Variants in CRTAC1 observed in about 807,000 individuals in gnomAD.
The protein encoded by CRTAC1 is acidic secreted protein in cartilage.
In CRTAC1, 37 loss-of-function variants were observed where a neutral mutation model predicts 67.8. That is an observed-to-expected ratio of 0.55 (90% CI 0.42 to 0.72). The LOEUF (loss-of-function observed/expected upper bound fraction) is 0.72, where lower values mean the gene tolerates loss of function less well. Among genes scored for constraint, CRTAC1 ranks in the 30% least tolerant of loss-of-function variants. The pLI is 0.00. For synonymous variants in CRTAC1, 348 were observed against 371.0 expected, an observed-to-expected ratio of 0.94 and a Z score of 0.71; for missense variants, 780 against 931.6, an observed-to-expected ratio of 0.84 and a Z score of 2.12.
chr10:98,006,170 T>G (rs1842785762), intron 2 of CRTAC1, among the ~76,000 whole-genome samples: 1 of 152,214 alleles, frequency 6.6e-6, no homozygotes, highest in South Asian at 2.1e-4. Flanking sequence ...TTGTACAAGA[T>G]TGACACCAAC....
intron 2 of CRTAC1, among the ~76,000 whole-genome samples, chr10:97,974,399 G>T (rs2051765144): frequency 6.6e-6 from 1 of 152,160 alleles, no homozygotes; most frequent in Non-Finnish European, 1.5e-5. Flanking sequence ...GGCACCTCCG[G>T]TTACCGCTCA....
intron 11 of CRTAC1, among the ~76,000 whole-genome samples, chr10:97,893,049 G>A (rs2050400104): frequency 6.6e-6 from 1 of 152,192 alleles, no homozygotes; most frequent in Admixed American, 6.5e-5. Flanking sequence ...ATGTGACCTT[G>A]GCAGGTTTCT....
chr10:97,928,729 T>C (rs1047693768), intron 3 of CRTAC1, among the ~76,000 whole-genome samples: 1 of 151,862 alleles, frequency 6.6e-6, no homozygotes, highest in Non-Finnish European at 1.5e-5. Context: ...AGGGTCAGAG[T>C]AACAACAGCA....
At chr10:97,917,736 G>A (rs2050779990) in intron 4 of CRTAC1, 80 bp from the exon 5 acceptor site, 1 of 1,187,570 alleles carries the variant, frequency 8.4e-7, no homozygotes, top group African/African-American at 1.5e-5. Flanking sequence ...CCCCAGGTAG[G>A]ACCATAGCTC....
In CRTAC1 at chr10:98,029,358, G is replaced by T. The variant is rs1843309539; in HGVS notation, c.24+1091C>A. On this transcript the variant is annotated intron_variant, in intron 1 of 14. Transcript: ENST00000370597. This position sits in a 1 kb window ranked among gnomAD's most constrained non-coding sequence, Gnocchi z 4.7. ...ACCCTCTTCCCTTCTTTTCCACTTG[G>T]CTTCACGTGGAAAGTCCTGCACCCA... Among the ~76,000 whole-genome samples, 1 of 152,036 alleles carries T rather than the reference G, an allele frequency of 6.6e-6. No individual in the cohort carries two copies. Among genetic ancestry groups the T allele is most frequent in the South Asian group, 2.1e-4 (1 of 4,820 alleles).
At chr10:97,912,559 A>G (rs2050702348) in intron 5 of CRTAC1, among the ~76,000 whole-genome samples, 1 of 84,792 alleles carries the variant, frequency 1.2e-5, no homozygotes, top group Non-Finnish European at 3.2e-5. Flanking sequence ...GGGTGCAGAC[A>G]ATCCATCTCT....
intron 11 of CRTAC1, among the ~76,000 whole-genome samples, chr10:97,886,938 C>A (rs1402978470): frequency 6.6e-6 from 1 of 151,980 alleles, no homozygotes; most frequent in Non-Finnish European, 1.5e-5. Flanking sequence ...ACCCACCACA[C>A]CCGGCCAGAT....
chr10:97,906,051 A>G (rs535030616), intron 6 of CRTAC1, among the ~76,000 whole-genome samples: 2 of 152,300 alleles, frequency 1.3e-5, no homozygotes, highest in South Asian at 4.2e-4. Context: ...CCACAGGACA[A>G]TGTAATAGGC....
At chr10:97,968,467 A>G (rs1256852900) in intron 2 of CRTAC1, among the ~76,000 whole-genome samples, 1 of 152,206 alleles carries the variant, frequency 6.6e-6, no homozygotes, top group East Asian at 1.9e-4. Context: ...GATGGTCTCA[A>G]TCTCCTGACC....
In CRTAC1 at chr10:97,912,396, C is replaced by T. The variant is rs542766854; in HGVS notation, c.716-4249G>A. 7.2e-5 allele frequency among the ~76,000 whole-genome samples: 11 copies of T among 152,244 alleles called. 1 individual carries two copies. The East Asian group carries it at 1.9e-3, about 27-fold the overall frequency. Reference sequence around the variant, plus strand: ...GCTGGAGTTAGAGGGGAAAATGCCCCTTGGAGGTCCCCATTTCCCCTAGCC... The same window carrying T: ...GCTGGAGTTAGAGGGGAAAATGCCCTTTGGAGGTCCCCATTTCCCCTAGCC... On this transcript the variant is annotated intron_variant, in intron 5 of 14. Coordinates refer to ENST00000370597, the MANE Select transcript of CRTAC1 (RefSeq NM_018058.7).
At position 97,975,448 on chromosome 10, in the gene CRTAC1, TTTC is replaced by T. The variant is rs966398849; in HGVS notation, c.224+35687_224+35689del. Among the ~76,000 whole-genome samples the T allele has an allele frequency of 7.2e-5, 11 of 152,056 alleles. No individual in the cohort carries two copies. Among genetic ancestry groups the T allele is most frequent in the African/African-American group, 2.4e-4 (10 of 41,408 alleles). On this transcript the variant is annotated intron_variant, in intron 2 of 14. Coordinates refer to ENST00000370597, the MANE Select transcript of CRTAC1 (RefSeq NM_018058.7). This position sits in a 1 kb window ranked among gnomAD's most constrained non-coding sequence, Gnocchi z 4.8. ...GGGATGGGGAGCCGGCAGACCTCGC[TTTC>T]TTCTTCTTCTTCAGGGAAGAAGCAG...
intron 2 of CRTAC1, among the ~76,000 whole-genome samples, chr10:97,999,676 G>T (rs1011107651): frequency 2.0e-5 from 3 of 152,212 alleles, no homozygotes; most frequent in African/African-American, 7.2e-5. Context: ...CTGACGGCTG[G>T]GTTTGGGCTG....
intron 9 of CRTAC1, among the ~76,000 whole-genome samples, chr10:97,896,284 A>T (rs1405110337): frequency 6.6e-6 from 1 of 152,134 alleles, no homozygotes; most frequent in African/African-American, 2.4e-5. Context: ...TTTGAATAAT[A>T]CACACCTGTT....
intron 14 of CRTAC1, among the ~76,000 whole-genome samples, chr10:97,874,821 C>A (rs658135): frequency 0.83 from 126,117 of 152,070 alleles, 52,811 homozygotes; most frequent in East Asian, 1. Context: ...CTGCCCCCGC[C>A]GCTATTTAAA....
intron 3 of CRTAC1, among the ~76,000 whole-genome samples, chr10:97,929,355 A>G (rs2050968412): frequency 1.3e-5 from 2 of 152,094 alleles, no homozygotes; most frequent in African/African-American, 4.8e-5. Flanking sequence ...AGAAAAGGGG[A>G]ACAAGAGGGC....
chr10:97,914,294 C>T (rs980495688), intron 5 of CRTAC1, among the ~76,000 whole-genome samples: 5 of 152,180 alleles, frequency 3.3e-5, no homozygotes, highest in African/African-American at 1.2e-4. Context: ...CTGTACCTTG[C>T]ACAGTGCTCC....
In CRTAC1 at chr10:97,895,930, A is replaced by G. The variant is rs1320978236; in HGVS notation, c.1272T>C (p.His424=). ...GDGMLDLILS[H]GESMAQPLSV... is the part of the protein sequence containing the mutation. ...ACAGCGGCTGAGCCATGGACTCTCC[A>G]TGGGACAAGATGAGGTCCAGCATCC... Residue 424 remains histidine (H), a synonymous_variant, in exon 10 of 15, where the codon CAT becomes CAC. Transcript: ENST00000370597. This position sits in a 1 kb window ranked among gnomAD's most constrained non-coding sequence, Gnocchi z 4.2. 5.6e-6 allele frequency: 9 copies of G among 1,614,114 alleles called. No individual in the cohort carries two copies. In the South Asian group the frequency reaches 9.9e-5, roughly 18 times the overall value.
At chr10:98,027,979 T>C (rs1229981418) in intron 1 of CRTAC1, among the ~76,000 whole-genome samples, 1 of 152,238 alleles carries the variant, frequency 6.6e-6, no homozygotes, top group Non-Finnish European at 1.5e-5. Flanking sequence ...GTAAATTAAA[T>C]GTGCATGTGA....
chr10:97,997,033 A>G (rs1842589582), intron 2 of CRTAC1, among the ~76,000 whole-genome samples: 1 of 137,226 alleles, frequency 7.3e-6, no homozygotes, highest in Non-Finnish European at 1.5e-5. Context: ...GGAATTGAAC[A>G]ATGAGAACAC....
Sources: gnomAD v4.1 joint callset for allele counts (sites outside exome capture counted in the v4.1 genomes callset) on GRCh38, gnomAD v4.1.1 for gene constraint, Gnocchi (gnomAD v3.1) non-coding constraint, MANE v1.5 for transcripts, NCBI Gene and HGNC (gene_info 2026-07-23, HGNC 2026-07-21) for gene names.